DAB1: variants seen among roughly 807,000 people sequenced by gnomAD.
DAB1 encodes DAB adaptor protein 1, also known as disabled homolog 1.
Under a neutral mutation model 64.6 loss-of-function variants are expected in DAB1, and 15 were observed. The observed-to-expected ratio is 0.23, with a 90% CI of 0.16 to 0.36. DAB1 has a LOEUF of 0.36. Ranked by LOEUF, DAB1 falls within the 10% of genes least tolerant of loss-of-function variation. The pLI is 1.00. For missense variants in DAB1, 596 were observed against 706.7 expected, an observed-to-expected ratio of 0.84 and a Z score of 1.78; for synonymous variants, 235 against 251.9, an observed-to-expected ratio of 0.93 and a Z score of 0.64.
chr1:57,266,128 C>A (rs2100573652), intron 2 of DAB1, among the ~76,000 whole-genome samples: 1 of 152,290 alleles, frequency 6.6e-6, no homozygotes, highest in African/African-American at 2.4e-5. Context: ...AAGAACCGCA[C>A]TGAGGGATAC....
chr1:57,112,068 G>A (rs534349675), intron 4 of DAB1, among the ~76,000 whole-genome samples: 3 of 152,244 alleles, frequency 2.0e-5, no homozygotes, highest in South Asian at 2.1e-4. Flanking sequence ...ATAAAAGTCC[G>A]TGATGTCCTT....
At chr1:58,151,089 T>C (rs1654906755) in intron 4 of DAB1, among the ~76,000 whole-genome samples, 1 of 152,242 alleles carries the variant, frequency 6.6e-6, no homozygotes. Flanking sequence ...ATCCGGTCTA[T>C]CATTGATGGA....
At chr1:58,121,583 T>G (rs992273046) in intron 5 of DAB1, among the ~76,000 whole-genome samples, 2 of 152,172 alleles carry the variant, frequency 1.3e-5, no homozygotes, top group Non-Finnish European at 2.9e-5. Context: ...TTCTTAGTTC[T>G]GCCAGCATGA....
At chr1:57,075,925 A>G (rs1651945870) in intron 4 of DAB1, among the ~76,000 whole-genome samples, 1 of 152,236 alleles carries the variant, frequency 6.6e-6, no homozygotes, top group Non-Finnish European at 1.5e-5. Flanking sequence ...CAAGGGAAGA[A>G]GAGAACTGGG....
chr1:57,960,771 A>G (rs1245818254), intron 5 of DAB1, among the ~76,000 whole-genome samples: 1 of 152,216 alleles, frequency 6.6e-6, no homozygotes, highest in African/African-American at 2.4e-5. Context: ...AATTCCTTCA[A>G]TTCCTCCACA....
At chr1:58,228,367 G>T (rs75552828) in intron 4 of DAB1, among the ~76,000 whole-genome samples, 6 of 151,942 alleles carry the variant, frequency 3.9e-5, no homozygotes, top group Non-Finnish European at 5.9e-5. Flanking sequence ...ATTGCTTTTT[G>T]GGGGGGTAAG....
intron 1 of DAB1, among the ~76,000 whole-genome samples, chr1:57,308,868 A>C (rs940265698): frequency 2.0e-5 from 3 of 152,216 alleles, no homozygotes; most frequent in African/African-American, 7.2e-5. Flanking sequence ...CCAAGCTAAG[A>C]TCAAAGTCTT....
At chr1:58,523,096 T>C (rs917265021) in intron 2 of DAB1, among the ~76,000 whole-genome samples, 4 of 152,238 alleles carry the variant, frequency 2.6e-5, no homozygotes, top group African/African-American at 9.6e-5. Context: ...CTATGTCTTT[T>C]CTACCTGGCA....
intron 3 of DAB1, among the ~76,000 whole-genome samples, chr1:58,387,141 T>G (rs1420424905): frequency 6.6e-6 from 1 of 152,174 alleles, no homozygotes; most frequent in African/African-American, 2.4e-5. Context: ...AGTAAGAGAT[T>G]ATGAAACTCA....
chr1:58,486,513 TCCTG>T (rs1409559229), intron 3 of DAB1, among the ~76,000 whole-genome samples: 2 of 152,210 alleles, frequency 1.3e-5, no homozygotes, highest in African/African-American at 4.8e-5. Flanking sequence ...ATATTGCTTA[TCCTG>T]CCTATTATTA....
At chr1:57,589,955 C>A (rs1260620246) in intron 7 of DAB1, among the ~76,000 whole-genome samples, 1 of 152,182 alleles carries the variant, frequency 6.6e-6, no homozygotes, top group Admixed American at 6.5e-5. Flanking sequence ...TGAAAGAGCA[C>A]AAATTGGCCC....
chr1:57,719,863 G>A (rs1647130173), intron 6 of DAB1, among the ~76,000 whole-genome samples: 1 of 152,238 alleles, frequency 6.6e-6, no homozygotes, highest in South Asian at 2.1e-4. Flanking sequence ...TAAGAAAGCA[G>A]AATTAGTTGA....
At chr1:57,720,091 T>A (rs1647133057) in intron 6 of DAB1, among the ~76,000 whole-genome samples, 1 of 152,166 alleles carries the variant, frequency 6.6e-6, no homozygotes, top group South Asian at 2.1e-4. Context: ...TCCTCAAGAA[T>A]CTCAGAGTTA....
intron 5 of DAB1, among the ~76,000 whole-genome samples, chr1:57,984,491 T>C (rs1391565264): frequency 1.3e-5 from 2 of 152,192 alleles, no homozygotes; most frequent in Non-Finnish European, 2.9e-5. Context: ...CAATTAAGAA[T>C]ATAATTTTGG....
At chr1:58,052,645 C>T (rs922649082) in intron 5 of DAB1, among the ~76,000 whole-genome samples, 3 of 152,130 alleles carry the variant, frequency 2.0e-5, no homozygotes, top group Non-Finnish European at 2.9e-5. Context: ...GCAGTATGGC[C>T]ATTTTCATGA....
At chr1:57,500,549 A>G (rs1644278778) in intron 7 of DAB1, among the ~76,000 whole-genome samples, 1 of 152,344 alleles carries the variant, frequency 6.6e-6, no homozygotes, top group East Asian at 1.9e-4. Context: ...ACATGAAGAC[A>G]TATTGTTAGC....
chr1:57,570,385 A>T (rs1174511281), intron 7 of DAB1, among the ~76,000 whole-genome samples: 1 of 60,904 alleles, frequency 1.6e-5, no homozygotes, highest in Non-Finnish European at 4.2e-5. Flanking sequence ...GTTAATACTT[A>T]ACAAACTCAT....
chr1:58,095,389 A>G (rs1376268596), intron 5 of DAB1, among the ~76,000 whole-genome samples: 1 of 152,198 alleles, frequency 6.6e-6, no homozygotes, highest in East Asian at 1.9e-4. Flanking sequence ...TCCGCATTCT[A>G]CAGATAAGGC....
chr1:57,300,692 G>A (rs188490279), intron 1 of DAB1, among the ~76,000 whole-genome samples: 1 of 152,250 alleles, frequency 6.6e-6, no homozygotes, highest in Non-Finnish European at 1.5e-5. Context: ...TAAACCCAGT[G>A]GTGTACAACC....
Sources: allele counts gnomAD v4.1 joint callset (sites outside exome capture counted in the v4.1 genomes callset), GRCh38; gene constraint gnomAD v4.1.1; transcripts MANE v1.5; gene names NCBI Gene and HGNC (gene_info 2026-07-23, HGNC 2026-07-21).